The following SLC8A3 variants were observed in gnomAD, a reference collection of about 807,000 sequenced individuals.
SLC8A3 encodes the protein sodium/calcium exchanger 3.
A neutral mutation model predicts 65.4 loss-of-function variants in SLC8A3; 37 were observed. The observed-to-expected ratio is 0.57, with a 90% confidence interval of 0.44 to 0.74. The LOEUF is 0.74. SLC8A3 is among the 30% of genes least tolerant of loss of function. The probability of loss-of-function intolerance (pLI) is 0.00; values close to 1 mark genes in which losing one functional copy is unlikely to be tolerated. For missense variants in SLC8A3, 1,112 were observed against 1,172.1 expected, an observed-to-expected ratio of 0.95 and a Z score of 0.75; for synonymous variants, 461 against 444.5, an observed-to-expected ratio of 1.04 and a Z score of -0.47.
chr14:70,064,554 G>A (rs1203682537), intron 2 of SLC8A3, among the ~76,000 whole-genome samples: 3 of 151,780 alleles, frequency 2.0e-5, no homozygotes, highest in Admixed American at 1.3e-4. Flanking sequence ...TGGTGGTGGC[G>A]GCGGCGGGGA....
chr14:70,050,588 T>C (rs1161534797), intron 5 of SLC8A3, among the ~76,000 whole-genome samples: 2 of 152,004 alleles, frequency 1.3e-5, no homozygotes, highest in South Asian at 2.1e-4. Flanking sequence ...TTTTATAAAC[T>C]CCTAACTCCC....
chr14:70,110,684 T>C (rs1451312430), intron 2 of SLC8A3, among the ~76,000 whole-genome samples: 1 of 133,214 alleles, frequency 7.5e-6, no homozygotes, highest in Non-Finnish European at 1.5e-5. Flanking sequence ...TTTTTTTTTT[T>C]TTTTTTTTTT....
intron 2 of SLC8A3, among the ~76,000 whole-genome samples, chr14:70,139,686 A>C (rs1481787853): frequency 6.6e-6 from 1 of 152,190 alleles, no homozygotes; most frequent in East Asian, 1.9e-4. Flanking sequence ...CTAGAGGGTG[A>C]GGAGGAGGTG....
intron 2 of SLC8A3, among the ~76,000 whole-genome samples, chr14:70,127,298 A>C (rs140531986): frequency 6.6e-6 from 1 of 152,148 alleles, no homozygotes; most frequent in Non-Finnish European, 1.5e-5. Context: ...TGAAGTGGTT[A>C]TTGTGGAGTT....
intron 2 of SLC8A3, among the ~76,000 whole-genome samples, chr14:70,163,906 C>T (rs1433384725): frequency 1.3e-5 from 2 of 152,078 alleles, no homozygotes; most frequent in Non-Finnish European, 2.9e-5. Context: ...AGAAGATATT[C>T]TAAGGTCCTT....
chr14:70,102,698 T>C (rs1038811628), intron 2 of SLC8A3, among the ~76,000 whole-genome samples: 5 of 152,140 alleles, frequency 3.3e-5, no homozygotes, highest in African/African-American at 1.2e-4. Context: ...TAATATCAGA[T>C]TGAAGGTGGC....
At chr14:70,129,751 T>C (rs1464596470) in intron 2 of SLC8A3, among the ~76,000 whole-genome samples, 5 of 152,116 alleles carry the variant, frequency 3.3e-5, no homozygotes, top group Non-Finnish European at 7.4e-5. Flanking sequence ...AAAACAGAAT[T>C]GGGCCAGTGG....
At chr14:70,103,646 C>T (rs1199159698) in intron 2 of SLC8A3, among the ~76,000 whole-genome samples, 1 of 150,402 alleles carries the variant, frequency 6.6e-6, no homozygotes, top group Non-Finnish European at 1.5e-5. Context: ...AAAAATAATA[C>T]AAAGATATAT....
At position 70,046,214 on chromosome 14, in the gene SLC8A3, G is replaced by C; in HGVS notation, c.2499C>G (p.Ala833=). Reference sequence around the variant, plus strand: ...CCCAGTAGATGGCGGCCACGGACCAGGCCAGGCCGATGCCCAGGAAGACAT... The same window carrying C: ...CCCAGTAGATGGCGGCCACGGACCACGCCAGGCCGATGCCCAGGAAGACAT... ...AVNVFLGIGL[A]WSVAAIYWAL... Residue 833 remains alanine (A), a synonymous_variant, in exon 7 of 7, where the codon GCC becomes GCG. Coordinates refer to ENST00000356921, the MANE Select transcript of SLC8A3 (RefSeq NM_182932.3). The surrounding 1 kb of genome is among the most constrained non-coding windows in gnomAD (Gnocchi z 4.2). 1 of 1,614,242 alleles carries C rather than the reference G, an allele frequency of 6.2e-7. No homozygotes were observed. Among genetic ancestry groups the C allele is most frequent in the South Asian group, 1.1e-5 (1 of 91,086 alleles).
At chr14:70,070,139 A>C (rs980436811) in intron 2 of SLC8A3, among the ~76,000 whole-genome samples, 7 of 152,232 alleles carry the variant, frequency 4.6e-5, no homozygotes, top group Non-Finnish European at 8.8e-5. Context: ...TTTGGAGTAC[A>C]TCCAGAGTAG....
chr14:70,045,744 T>C lies in SLC8A3; in HGVS notation c.*203A>G. The stretch of plus-strand genomic sequence containing the variant: ...GTATTCAATTAAATACTGTGTAAAG[T>C]CGGTGATTCCTCCATTGTTTGATTG... On this transcript the variant is annotated 3_prime_UTR_variant, in exon 7 of 7. Transcript: ENST00000356921. The C allele has an allele frequency of 1.9e-6, 1 of 515,932 alleles. No homozygotes were observed. The allele number at this position is 515,932 out of a possible 1,614,324, so 32.0% of individuals were successfully genotyped here.
chr14:70,101,659 G>A (rs1185676168), intron 2 of SLC8A3, among the ~76,000 whole-genome samples: 2 of 152,096 alleles, frequency 1.3e-5, no homozygotes, highest in Non-Finnish European at 2.9e-5. Flanking sequence ...CATGATGGAG[G>A]AACTGGTACT....
At chr14:70,083,916 T>C (rs536824018) in intron 2 of SLC8A3, among the ~76,000 whole-genome samples, 2 of 152,326 alleles carry the variant, frequency 1.3e-5, no homozygotes, top group South Asian at 4.1e-4. Context: ...GATGGTCCAT[T>C]TCCATGGATC....
At chr14:70,172,664 G>A (rs562637221) in intron 1 of SLC8A3, among the ~76,000 whole-genome samples, 3 of 150,076 alleles carry the variant, frequency 2.0e-5, no homozygotes, top group Admixed American at 6.7e-5. Context: ...GGTATTAGAC[G>A]CTGGTGGATT....
intron 2 of SLC8A3, among the ~76,000 whole-genome samples, chr14:70,088,408 G>A (rs1384369877): frequency 6.6e-6 from 1 of 152,158 alleles, no homozygotes; most frequent in African/African-American, 2.4e-5. Flanking sequence ...TGAGAGCTGT[G>A]TCAGCTAGGA....
chr14:70,110,536 T>TA (rs1308177089), intron 2 of SLC8A3, among the ~76,000 whole-genome samples: 1 of 152,186 alleles, frequency 6.6e-6, no homozygotes, highest in Non-Finnish European at 1.5e-5. Context: ...TCTTTTTTTT[T>TA]ATTGAATAGT....
Position 70,052,080 on chromosome 14 carries a change from C to T in SLC8A3, c.1923G>A (p.Glu641=). ...CCATCTCTGCTATCCTCTTGGCCTC[C>T]TCTTCTTCCATAGTCAGCTTCCTGT... ...VTDRKLTMEE[E]EAKRIAEMGK... is the part of the protein sequence containing the mutation. The change falls in exon 4 of 7, where the codon GAG becomes GAA. Residue 641 remains glutamate (E), a synonymous_variant. Coordinates refer to ENST00000356921, the MANE Select transcript of SLC8A3 (RefSeq NM_182932.3). 6.2e-7 allele frequency: 1 copy of T among 1,606,682 alleles called. No individual in the cohort carries two copies. The highest frequency in any genetic ancestry group is 8.5e-7 in the Non-Finnish European group (1 of 1,178,050).
At chr14:70,089,035 A>T (rs1891638360) in intron 2 of SLC8A3, among the ~76,000 whole-genome samples, 1 of 152,158 alleles carries the variant, frequency 6.6e-6, no homozygotes, top group Non-Finnish European at 1.5e-5. Flanking sequence ...CTCACCCAAC[A>T]CAGCTGAAGT....
chr14:70,135,619 T>C lies in SLC8A3; in HGVS notation c.1784+31020A>G, dbSNP rs77752639. The stretch of plus-strand genomic sequence containing the variant: ...GCATGGACAGAACTGGAGGTCATTA[T>C]GTTGAGTGAAATAAGCCAGGCACAG... On this transcript the variant is annotated intron_variant, in intron 2 of 6. Transcript: ENST00000356921. Among the ~76,000 whole-genome samples, 45 of 152,242 alleles carry C rather than the reference T, an allele frequency of 3.0e-4. No homozygotes were observed. The East Asian group carries it at 8.3e-3, about 28-fold the overall frequency.
Sources: allele counts gnomAD v4.1 joint callset (sites outside exome capture counted in the v4.1 genomes callset), GRCh38; gene constraint gnomAD v4.1.1; non-coding constraint Gnocchi (gnomAD v3.1); transcripts MANE v1.5; gene names NCBI Gene and HGNC (gene_info 2026-07-23, HGNC 2026-07-21).